Variants in ALCAM observed in about 807,000 individuals in gnomAD.
ALCAM encodes activated leukocyte cell adhesion molecule.
In ALCAM, 30 loss-of-function variants were observed where a neutral mutation model predicts 70.9. The ratio of observed to expected loss-of-function variants is 0.42; its 90% confidence interval spans 0.32 to 0.57. The LOEUF is 0.57. Ranked by LOEUF, ALCAM falls within the 20% of genes least tolerant of loss-of-function variation. ALCAM has a pLI of 0.11. For synonymous variants in ALCAM, 249 were observed against 242.5 expected (o/e 1.03, Z -0.25); for missense variants, 591 against 695.1 (o/e 0.85, Z 1.68).
chr3:105,431,851 G>A (rs1017552423), intron 1 of ALCAM, among the ~76,000 whole-genome samples: 1 of 151,992 alleles, frequency 6.6e-6, no homozygotes, highest in African/African-American at 2.4e-5. Flanking sequence ...CCAAACTGAG[G>A]ACCAAATCAT....
At chr3:105,390,083 A>G (rs1404043355) in intron 1 of ALCAM, among the ~76,000 whole-genome samples, 2 of 151,964 alleles carry the variant, frequency 1.3e-5, no homozygotes, top group Non-Finnish European at 2.9e-5. Context: ...AATGATGTCT[A>G]TTCCCGTGGG....
At chr3:105,499,121 A>T (rs1938850416) in intron 1 of ALCAM, among the ~76,000 whole-genome samples, 1 of 152,200 alleles carries the variant, frequency 6.6e-6, no homozygotes, top group Admixed American at 6.5e-5. Flanking sequence ...CAGTGATTAA[A>T]ATGTACCTAC....
chr3:105,440,188 G>T lies in ALCAM; in HGVS notation c.73+72707G>T, dbSNP rs148779448. Among the ~76,000 whole-genome samples the T allele has an allele frequency of 9.0e-3, 1,366 of 152,256 alleles. 15 individuals carry two copies. Among genetic ancestry groups the T allele is most frequent in the African/African-American group, 0.015 (618 of 41,548 alleles). On this transcript the variant is annotated intron_variant, in intron 1 of 15. Coordinates refer to ENST00000306107, the MANE Select transcript of ALCAM (RefSeq NM_001627.4). ...TAACTAGAGAAAGCACCTTGGGGAA[G>T]TTTGGCTATAGAAATACAAAGGCAT...
intron 6 of ALCAM, among the ~76,000 whole-genome samples, chr3:105,538,111 T>G (rs1474217193): frequency 1.3e-5 from 2 of 152,032 alleles, no homozygotes; most frequent in Non-Finnish European, 2.9e-5. Context: ...AAAGCGCTAC[T>G]TCAGAAAACA....
At chr3:105,424,386 C>G (rs1158114122) in intron 1 of ALCAM, among the ~76,000 whole-genome samples, 4 of 151,476 alleles carry the variant, frequency 2.6e-5, no homozygotes, top group Non-Finnish European at 5.9e-5. Context: ...TAGAATAGTC[C>G]GAATTTCAAA....
chr3:105,438,495 G>A (rs768968469), intron 1 of ALCAM, among the ~76,000 whole-genome samples: 1 of 151,936 alleles, frequency 6.6e-6, no homozygotes, highest in Non-Finnish European at 1.5e-5. Flanking sequence ...GGATTTAATC[G>A]ATAAATGTTA....
intron 14 of ALCAM, among the ~76,000 whole-genome samples, chr3:105,556,779 A>T (rs1284578095): frequency 6.6e-6 from 1 of 152,064 alleles, no homozygotes; most frequent in African/African-American, 2.4e-5. Flanking sequence ...CTAAAAGCAA[A>T]TATATGTTCT....
At position 105,393,443 on chromosome 3, in the gene ALCAM, A is replaced by T. The variant is rs1201075465; in HGVS notation, c.73+25962A>T. The stretch of plus-strand genomic sequence containing the variant: ...GAGGAATTTAAATTTTGTATCAATA[A>T]TTTTTTGACACTCAAGATTGTTGAA... On this transcript the variant is annotated intron_variant, in intron 1 of 15. Transcript: ENST00000306107. 4.6e-5 allele frequency among the ~76,000 whole-genome samples: 7 copies of T among 151,990 alleles called. No individual in the cohort carries two copies. In the East Asian group the frequency reaches 1.4e-3, roughly 29 times the overall value.
In ALCAM at chr3:105,485,702, G is replaced by T. The variant is rs1938410187; in HGVS notation, c.74-34365G>T. ...ACTTCGGTTTTAGATTAAGCAATAT[G>T]ATATTGCCTGTAAGTGATCATTTTT... On this transcript the variant is annotated intron_variant, in intron 1 of 15. Coordinates refer to ENST00000306107, the MANE Select transcript of ALCAM (RefSeq NM_001627.4). Among the ~76,000 whole-genome samples, 2 of 151,922 alleles carry T rather than the reference G, an allele frequency of 1.3e-5. 1 individual carries two copies. The highest frequency in any genetic ancestry group is 4.2e-4 in the South Asian group (2 of 4,816).
chr3:105,443,075 C>T (rs1251648705), intron 1 of ALCAM, among the ~76,000 whole-genome samples: 2 of 152,172 alleles, frequency 1.3e-5, no homozygotes, highest in African/African-American at 4.8e-5. Context: ...ATCCACCTAT[C>T]TTGGCCTCCC....
intron 1 of ALCAM, among the ~76,000 whole-genome samples, chr3:105,412,836 A>G (rs1936422651): frequency 6.6e-6 from 1 of 152,142 alleles, no homozygotes; most frequent in African/African-American, 2.4e-5. Flanking sequence ...TATATTAGAT[A>G]CAAAATAAGA....
In ALCAM at chr3:105,574,895, C is replaced by T. The variant is rs1188660496; in HGVS notation, c.*444C>T. The T allele has an allele frequency of 2.0e-5, 3 of 152,484 alleles. No homozygotes were observed. The highest frequency in any genetic ancestry group is 7.2e-5 in the African/African-American group (3 of 41,400). The allele number at this position is 152,484 out of a possible 1,614,324, so 9.4% of individuals were successfully genotyped here. Reference sequence around the variant, plus strand: ...GCAGGTACATTTCTGATTCTGATTGCTATCAGCAATGCCCCAAACTTTCTC... The same window carrying T: ...GCAGGTACATTTCTGATTCTGATTGTTATCAGCAATGCCCCAAACTTTCTC... On this transcript the variant is annotated 3_prime_UTR_variant, in exon 16 of 16. Transcript: ENST00000306107.
chr3:105,392,783 G>A (rs1297905207), intron 1 of ALCAM, among the ~76,000 whole-genome samples: 1 of 151,782 alleles, frequency 6.6e-6, no homozygotes, highest in Non-Finnish European at 1.5e-5. Context: ...CTGTCTCTTT[G>A]TTCTCATTGG....
intron 1 of ALCAM, among the ~76,000 whole-genome samples, chr3:105,469,383 T>C (rs1188510358): frequency 6.6e-6 from 1 of 151,222 alleles, no homozygotes; most frequent in Non-Finnish European, 1.5e-5. Flanking sequence ...TCTTTTTCAG[T>C]ATTTCTTCTC....
intron 1 of ALCAM, among the ~76,000 whole-genome samples, chr3:105,495,087 G>A (rs1441049191): frequency 6.6e-6 from 1 of 152,142 alleles, no homozygotes; most frequent in Non-Finnish European, 1.5e-5. Flanking sequence ...TACAGACTGA[G>A]AGAGATCTTT....
chr3:105,546,117 G>A (rs879513626), intron 9 of ALCAM, among the ~76,000 whole-genome samples: 5 of 151,198 alleles, frequency 3.3e-5, no homozygotes, highest in Non-Finnish European at 5.9e-5. Flanking sequence ...TTGTGATTGC[G>A]ATCCCTCCAC....
chr3:105,520,520 A>G (rs950411168), intron 2 of ALCAM, among the ~76,000 whole-genome samples: 1 of 152,194 alleles, frequency 6.6e-6, no homozygotes, highest in Non-Finnish European at 1.5e-5. Context: ...TTCATGTTCT[A>G]CTTGATGTGG....
intron 14 of ALCAM, 40 bp downstream of exon 14, chr3:105,552,625 T>G (rs775647254): frequency 7.5e-6 from 12 of 1,609,804 alleles, no homozygotes; most frequent in Non-Finnish European, 9.3e-6. Flanking sequence ...TCATTGACTT[T>G]CACTGGGAGA....
intron 2 of ALCAM, among the ~76,000 whole-genome samples, chr3:105,521,689 A>G (rs1422314413): frequency 2.0e-5 from 3 of 152,206 alleles, no homozygotes; most frequent in Non-Finnish European, 4.4e-5. Context: ...TGATATCAAA[A>G]TACTTACCTA....
Sources: gnomAD v4.1 joint callset for allele counts (sites outside exome capture counted in the v4.1 genomes callset) on GRCh38, gnomAD v4.1.1 for gene constraint, MANE v1.5 for transcripts, NCBI Gene and HGNC (gene_info 2026-07-23, HGNC 2026-07-21) for gene names.